ENTHD1: variants seen among roughly 807,000 people sequenced by gnomAD.
ENTHD1 encodes the protein ENTH domain containing 1.
Under a neutral mutation model 39.1 loss-of-function variants are expected in ENTHD1, and 23 were observed. That is an observed-to-expected ratio of 0.59 (90% CI 0.42 to 0.83). The LOEUF (loss-of-function observed/expected upper bound fraction) is 0.83, where lower values mean the gene tolerates loss of function less well. Ranked by LOEUF, ENTHD1 falls within the 40% of genes least tolerant of loss-of-function variation. The pLI is 0.00. For synonymous variants in ENTHD1, 230 were observed against 258.2 expected (o/e 0.89, Z 1.05); for missense variants, 624 against 705.4 (o/e 0.88, Z 1.31).
chr22:39,873,683 T>C (rs2066262595), intron 2 of ENTHD1, among the ~76,000 whole-genome samples: 1 of 152,200 alleles, frequency 6.6e-6, no homozygotes, highest in Admixed American at 6.5e-5. Flanking sequence ...ATCATGCATA[T>C]GGAAATACTC....
intron 3 of ENTHD1, among the ~76,000 whole-genome samples, chr22:39,837,686 T>C (rs187072249): frequency 5.9e-5 from 9 of 152,306 alleles, no homozygotes; most frequent in Admixed American, 3.3e-4. Flanking sequence ...CAAGTTTTGT[T>C]TAATGTCCTT....
At chr22:39,885,077 G>A (rs1341845874) in intron 2 of ENTHD1, among the ~76,000 whole-genome samples, 1 of 152,268 alleles carries the variant, frequency 6.6e-6, no homozygotes, top group East Asian at 1.9e-4. Context: ...CTACAGAATC[G>A]GAGAAGATAC....
At chr22:39,875,598 C>G in intron 2 of ENTHD1, 1 of 1,611,572 alleles carries the variant, frequency 6.2e-7, no homozygotes. Flanking sequence ...ACGAAGTCTT[C>G]AAGAGAAAGC....
intron 6 of ENTHD1, among the ~76,000 whole-genome samples, chr22:39,758,516 T>C (rs1200634739): frequency 6.6e-6 from 1 of 152,142 alleles, no homozygotes; most frequent in Non-Finnish European, 1.5e-5. Flanking sequence ...CCTCAAACTC[T>C]TGGGCTCAAG....
intron 5 of ENTHD1, among the ~76,000 whole-genome samples, chr22:39,807,915 A>G (rs62228534): frequency 0.027 from 3,888 of 145,078 alleles, 52 homozygotes; most frequent in African/African-American, 0.036. Context: ...GTGTGTGTGT[A>G]TATATATACT....
chr22:39,847,368 TG>T (rs2065997851), intron 3 of ENTHD1, among the ~76,000 whole-genome samples: 1 of 76,842 alleles, frequency 1.3e-5, no homozygotes, highest in Non-Finnish European at 2.3e-5. Context: ...TGGGGACTGT[TG>T]TGGGGTGGGG....
At chr22:39,864,594 T>C (rs1489979230) in intron 2 of ENTHD1, among the ~76,000 whole-genome samples, 1 of 152,184 alleles carries the variant, frequency 6.6e-6, no homozygotes, top group South Asian at 2.1e-4. Context: ...GACACTGATA[T>C]CTTCAGTGTC....
chr22:39,773,284 A>G (rs2065342017), intron 5 of ENTHD1, among the ~76,000 whole-genome samples: 1 of 152,174 alleles, frequency 6.6e-6, no homozygotes, highest in Non-Finnish European at 1.5e-5. Flanking sequence ...AACCACCTTG[A>G]CCTAACAGAC....
chr22:39,862,120 G>C (rs1300850138), intron 2 of ENTHD1, 113 bp from the exon 3 acceptor site: 1 of 764,944 alleles, frequency 1.3e-6, no homozygotes, highest in Non-Finnish European at 1.9e-6. Context: ...GAAAAAACCT[G>C]CAGCAAATAA....
At chr22:39,875,979 A>T in intron 2 of ENTHD1, 1 of 1,613,734 alleles carries the variant, frequency 6.2e-7, no homozygotes, top group Non-Finnish European at 8.5e-7. Context: ...AATGCAGGAG[A>T]TTTTGGTGGT....
At chr22:39,807,474 AC>A (rs926111531) in intron 5 of ENTHD1, among the ~76,000 whole-genome samples, 7 of 152,000 alleles carry the variant, frequency 4.6e-5, no homozygotes, top group African/African-American at 1.7e-4. Flanking sequence ...CAATATGGTC[AC>A]CTTTACATAT....
At chr22:39,874,820 C>T (rs533076585) in intron 2 of ENTHD1, among the ~76,000 whole-genome samples, 17 of 152,178 alleles carry the variant, frequency 1.1e-4, no homozygotes, top group Admixed American at 3.3e-4. Flanking sequence ...ATTGAAACAA[C>T]ATTATACTCC....
At chr22:39,829,790 C>CAATAAATA (rs10657076) in intron 4 of ENTHD1, among the ~76,000 whole-genome samples, 7,386 of 143,306 alleles carry the variant, frequency 0.052, 391 homozygotes, top group African/African-American at 0.13. Context: ...GACTCTGTCT[C>CAATAAATA]AATAAATAAA....
intron 5 of ENTHD1, among the ~76,000 whole-genome samples, chr22:39,776,637 C>A (rs1379965039): frequency 6.6e-6 from 1 of 152,068 alleles, no homozygotes; most frequent in Non-Finnish European, 1.5e-5. Context: ...CATCAGGCTG[C>A]AAATTTAAAT....
At chr22:39,855,838 T>A (rs1332218273) in intron 3 of ENTHD1, among the ~76,000 whole-genome samples, 1 of 152,156 alleles carries the variant, frequency 6.6e-6, no homozygotes, top group African/African-American at 2.4e-5. Flanking sequence ...AGAGAGTATT[T>A]CAGAAGAGAG....
At chr22:39,791,410 TG>T (rs1338576852) in intron 5 of ENTHD1, among the ~76,000 whole-genome samples, 1 of 151,538 alleles carries the variant, frequency 6.6e-6, no homozygotes, top group African/African-American at 2.4e-5. Flanking sequence ...AATTTTTTTG[TG>T]GGGGGAACAG....
chr22:39,765,155 T>A, intron 6 of ENTHD1, 68 bp downstream of exon 6: 1 of 1,451,196 alleles, frequency 6.9e-7, no homozygotes, highest in Non-Finnish European at 9.0e-7. Flanking sequence ...AGTAAAATAA[T>A]GCTTCAAAAG....
In ENTHD1 at chr22:39,817,780, G is replaced by A. The variant is rs554208203; in HGVS notation, c.832+3213C>T. Among the ~76,000 whole-genome samples the A allele has an allele frequency of 3.9e-5, 6 of 152,304 alleles. No homozygotes were observed. In the East Asian group the frequency reaches 5.8e-4, roughly 15 times the overall value. Reference sequence around the variant, plus strand: ...AAGTCTTCTGGGAACATAGTGAAAGGAGAAACTAGTTTAGCATGCAGAAAG... The same window carrying A: ...AAGTCTTCTGGGAACATAGTGAAAGAAGAAACTAGTTTAGCATGCAGAAAG... On this transcript the variant is annotated intron_variant, in intron 5 of 6. Coordinates refer to ENST00000325157, the MANE Select transcript of ENTHD1 (RefSeq NM_152512.4).
At chr22:39,747,294 T>G (rs1020867435) in intron 6 of ENTHD1, among the ~76,000 whole-genome samples, 1 of 152,178 alleles carries the variant, frequency 6.6e-6, no homozygotes, top group Non-Finnish European at 1.5e-5. Flanking sequence ...CTCAAATAGT[T>G]GTTTTTAAAT....
Sources: allele counts gnomAD v4.1 joint callset (sites outside exome capture counted in the v4.1 genomes callset), GRCh38; gene constraint gnomAD v4.1.1; transcripts MANE v1.5; gene names NCBI Gene and HGNC (gene_info 2026-07-23, HGNC 2026-07-21).